Variants in PPP2R5B observed in about 807,000 individuals in gnomAD.
PPP2R5B encodes protein phosphatase 2 regulatory subunit B'beta, also known as serine/threonine-protein phosphatase 2A 56 kDa regulatory subunit beta isoform.
PPP2R5B carries 19 observed loss-of-function variants against 59.9 expected under a neutral mutation model. That is an observed-to-expected ratio of 0.32 (90% CI 0.22 to 0.47). The LOEUF is 0.47. Ranked by LOEUF, PPP2R5B falls within the 20% of genes least tolerant of loss-of-function variation. The probability of loss-of-function intolerance (pLI) is 1.00; values close to 1 mark genes in which losing one functional copy is unlikely to be tolerated. For synonymous variants in PPP2R5B, 286 were observed against 260.5 expected (o/e 1.10, Z -0.94); for missense variants, 441 against 640.2 (o/e 0.69, Z 3.36).
Position 64,931,884 on chromosome 11 carries a change from G to C in PPP2R5B, c.1116+16G>C. The C allele has an allele frequency of 6.2e-7, 1 of 1,613,160 alleles. No individual in the cohort carries two copies. On this transcript the variant is annotated intron_variant, in intron 11 of 13. Transcript: ENST00000164133. This position sits in a 1 kb window ranked among gnomAD's most constrained non-coding sequence, Gnocchi z 5.0. ...CCATTTCCAGGTATGAGGCAGGACA[G>C]GCGGGGATGGGAGCAGGGCTGGCCT...
chr11:64,926,693 G>T lies in PPP2R5B; in HGVS notation c.200-19G>T. 6.2e-7 allele frequency: 1 copy of T among 1,611,836 alleles called. No individual in the cohort carries two copies. The highest frequency in any genetic ancestry group is 8.5e-7 in the Non-Finnish European group (1 of 1,178,506). The stretch of plus-strand genomic sequence containing the variant: ...TGGGGGAGCTGGGGCCCAGGCCCAG[G>T]ATGCCCTCTCCTCCCCAGATGTGCC... On this transcript the variant is annotated intron_variant, in intron 2 of 13. Coordinates refer to ENST00000164133, the MANE Select transcript of PPP2R5B (RefSeq NM_006244.4).
chr11:64,928,240 C>T, intron 5 of PPP2R5B, 55 bp from the exon 6 acceptor site: 1 of 1,612,450 alleles, frequency 6.2e-7, no homozygotes, highest in Non-Finnish European at 8.5e-7. Context: ...TGGAAGCAAC[C>T]TGGGGTGGAC....
In PPP2R5B at chr11:64,931,843, G is replaced by A. The variant is rs141499148; in HGVS notation, c.1091G>A (p.Arg364His). The stretch of plus-strand genomic sequence containing the variant: ...GAGCCCCTTTTTAAGCAGGTGGCTC[G>A]CTGTGTTTCCAGCCCCCATTTCCAG... ...IQEPLFKQVA[R>H]CVSSPHFQVA... Residue 364 changes from arginine (R) to histidine (H), a missense_variant, in exon 11 of 14, where the codon CGC becomes CAC. Physicochemically the swap from Arg to His is conservative, Grantham distance 29 (BLOSUM62 0). Transcript: ENST00000164133. The surrounding 1 kb of genome is among the most constrained non-coding windows in gnomAD (Gnocchi z 5.0). 3.1e-6 allele frequency: 5 copies of A among 1,614,124 alleles called. No individual in the cohort carries two copies. The highest frequency in any genetic ancestry group is 2.2e-5 in the East Asian group (1 of 44,894).
chr11:64,923,211 G>A (rs1470810438), upstream of PPP2R5B: 1 of 152,436 alleles, frequency 6.6e-6, no homozygotes, highest in Non-Finnish European at 1.5e-5. Flanking sequence ...GGCTTGTGGA[G>A]ATGGGCTGTA....
intron 3 of PPP2R5B, 27 bp downstream of exon 3, chr11:64,926,935 G>C: frequency 6.2e-7 from 1 of 1,606,272 alleles, no homozygotes. Context: ...CAGGCTCCGA[G>C]GGCCGGCCGA....
chr11:64,933,198 G>A lies in PPP2R5B; in HGVS notation c.1298G>A (p.Gly433Glu), dbSNP rs960885050. The change falls in exon 13 of 14, where the codon GGG becomes GAG. Residue 433 changes from glycine to glutamate, a missense_variant. By Grantham distance (98) the Gly-to-Glu change is moderately conservative. Coordinates refer to ENST00000164133, the MANE Select transcript of PPP2R5B (RefSeq NM_006244.4). ...CTCAAGACCTTCATGGAGATGAATG[G>A]GAAGCTGTTTGATGAGCTCACAGCC... ...NVLKTFMEMN[G>E]KLFDELTASY... 2 of 1,613,590 alleles carry A rather than the reference G, an allele frequency of 1.2e-6. No individual in the cohort carries two copies. Among genetic ancestry groups the A allele is most frequent in the African/African-American group, 2.7e-5 (2 of 75,000 alleles).
chr11:64,926,004 G>A (rs1945159990), intron 2 of PPP2R5B, 71 bp downstream of exon 2: 3 of 1,468,528 alleles, frequency 2.0e-6, no homozygotes, highest in Non-Finnish European at 2.8e-6. Flanking sequence ...GGAGGGGTGG[G>A]AGGCAGCGGG....
intron 3 of PPP2R5B, among the ~76,000 whole-genome samples, chr11:64,927,531 C>G (rs944507585): frequency 2.6e-5 from 4 of 152,012 alleles, no homozygotes; most frequent in Non-Finnish European, 5.9e-5. Flanking sequence ...ACAGTGAGAC[C>G]GCATCACTAC....
chr11:64,921,985 C>T (rs1245671133), upstream of PPP2R5B, among the ~76,000 whole-genome samples: 4 of 151,732 alleles, frequency 2.6e-5, no homozygotes, highest in Non-Finnish European at 5.9e-5. Flanking sequence ...GAGGCCAAGG[C>T]GAGAGGATCA....
upstream of PPP2R5B, among the ~76,000 whole-genome samples, chr11:64,923,561 C>T (rs1265717189): frequency 6.6e-6 from 1 of 152,150 alleles, no homozygotes; most frequent in Non-Finnish European, 1.5e-5. Context: ...CAGGCCTCTG[C>T]CTTCTGTTGC....
chr11:64,933,141 C>G lies in PPP2R5B; in HGVS notation c.1245-4C>G, dbSNP rs376684709. 1 of 1,607,860 alleles carries G rather than the reference C, an allele frequency of 6.2e-7. No homozygotes were observed. The highest frequency in any genetic ancestry group is 1.3e-5 in the African/African-American group (1 of 74,752). On this transcript the variant is annotated splice_region_variant and splice_polypyrimidine_tract_variant and intron_variant, in intron 12 of 13. Coordinates refer to ENST00000164133, the MANE Select transcript of PPP2R5B (RefSeq NM_006244.4). Reference sequence around the variant, plus strand: ...TCTCCTCATCCCTCCTTGACACTGCCAAGAACCATCGTATCACTGATCTAC... The same window carrying G: ...TCTCCTCATCCCTCCTTGACACTGCGAAGAACCATCGTATCACTGATCTAC...
At position 64,928,040 on chromosome 11, in the gene PPP2R5B, C is replaced by T. The variant is rs374171324; in HGVS notation, c.499-26C>T. On this transcript the variant is annotated intron_variant, in intron 4 of 13. Coordinates refer to ENST00000164133, the MANE Select transcript of PPP2R5B (RefSeq NM_006244.4). The stretch of plus-strand genomic sequence containing the variant: ...GTGGGTGAGGCTGTTACTGAACTCA[C>T]CTTTTTGTCTGTCCCCCTCCCCCAG... The T allele has an allele frequency of 2.0e-5, 32 of 1,610,398 alleles. No individual in the cohort carries two copies. The African/African-American group carries it at 3.6e-4, about 18-fold the overall frequency.
intron 1 of PPP2R5B, among the ~76,000 whole-genome samples, chr11:64,918,689 G>C (rs1945074273): frequency 6.6e-6 from 1 of 152,130 alleles, no homozygotes; most frequent in South Asian, 2.1e-4. Context: ...GCCCAGGCTG[G>C]AGTGCAGTGG....
At position 64,927,875 on chromosome 11, in the gene PPP2R5B, A is replaced by G. The variant is rs1232085000; in HGVS notation, c.470A>G (p.Asn157Ser). 1.2e-6 allele frequency: 2 copies of G among 1,611,706 alleles called. No homozygotes were observed. Among genetic ancestry groups the G allele is most frequent in the African/African-American group, 1.3e-5 (1 of 74,982 alleles). The change falls in exon 4 of 14, where the codon AAT becomes AGT. Residue 157 changes from asparagine to serine, a missense_variant. Transcript: ENST00000164133. The stretch of plus-strand genomic sequence containing the variant: ...TTTGACCCTGAAGAGGATGAGCCCA[A>G]TCTTGAGCCTTCGTGGCCACACCTG... Reference protein sequence around the residue: ...PEFDPEEDEPNLEPSWPHLQL... With the variant: ...PEFDPEEDEPSLEPSWPHLQL...
At position 64,932,909 on chromosome 11, in the gene PPP2R5B, G is replaced by T; in HGVS notation, c.1244+17G>T. 1 of 1,613,288 alleles carries T rather than the reference G, an allele frequency of 6.2e-7. No individual in the cohort carries two copies. The highest frequency in any genetic ancestry group is 1.1e-5 in the South Asian group (1 of 90,984). The stretch of plus-strand genomic sequence containing the variant: ...CTGGAACCAGTGAGTGCCAGGCCAT[G>T]ACCTAACTCACAGAAACTGGGACCA... On this transcript the variant is annotated intron_variant, in intron 12 of 13. Transcript: ENST00000164133.
chr11:64,927,079 G>A (rs1322075984), intron 3 of PPP2R5B, among the ~76,000 whole-genome samples, 171 bp downstream of exon 3: 10 of 152,100 alleles, frequency 6.6e-5, no homozygotes, highest in African/African-American at 2.2e-4. Flanking sequence ...GAATGCCTCC[G>A]GGCCTGCCCC....
intron 6 of PPP2R5B, 149 bp downstream of exon 6, chr11:64,928,574 T>G: frequency 8.1e-7 from 1 of 1,242,102 alleles, no homozygotes; most frequent in Non-Finnish European, 1.1e-6. Flanking sequence ...GTGAGGAGTT[T>G]GAGACCAACC....
Position 64,925,551 on chromosome 11 carries a change from G to C in PPP2R5B, c.-184G>C, listed in dbSNP as rs1945150445. The C allele has an allele frequency of 1.7e-6, 1 of 575,030 alleles. No individual in the cohort carries two copies. Among genetic ancestry groups the C allele is most frequent in the Non-Finnish European group, 3.1e-6 (1 of 322,966 alleles). The allele number at this position is 575,030 out of a possible 1,614,324, so 35.6% of individuals were successfully genotyped here. On this transcript the variant is annotated 5_prime_UTR_variant, in exon 2 of 14. Coordinates refer to ENST00000164133, the MANE Select transcript of PPP2R5B (RefSeq NM_006244.4). This position sits in a 1 kb window ranked among gnomAD's most constrained non-coding sequence, Gnocchi z 4.6. The stretch of plus-strand genomic sequence containing the variant: ...CCTGAGCCATCCTCCTTTCTACCCT[G>C]TCTGCCCCCCAGGACTGGGCAGTTG...
At position 64,925,620 on chromosome 11, in the gene PPP2R5B, C is replaced by A. The variant is rs746186892; in HGVS notation, c.-115C>A. The stretch of plus-strand genomic sequence containing the variant: ...GGCCCAGGACTGTGGTTGTGCCCCC[C>A]CCCCAAAGGCCGGACAGGATGGGAC... On this transcript the variant is annotated 5_prime_UTR_variant, in exon 2 of 14. Transcript: ENST00000164133. The surrounding 1 kb of genome is among the most constrained non-coding windows in gnomAD (Gnocchi z 4.6). 1.8e-6 allele frequency: 1 copy of A among 551,546 alleles called. No individual in the cohort carries two copies. The highest frequency in any genetic ancestry group is 3.2e-6 in the Non-Finnish European group (1 of 310,970). 34.2% of individuals were successfully genotyped at this position (551,546 alleles called of 1,614,324 possible). A position where few individuals can be genotyped will look rare whatever the true frequency, so the allele number is the denominator to read the frequency against.
Sources: gnomAD v4.1 joint callset for allele counts (sites outside exome capture counted in the v4.1 genomes callset) on GRCh38, gnomAD v4.1.1 for gene constraint, Gnocchi (gnomAD v3.1) non-coding constraint, MANE v1.5 for transcripts, NCBI Gene and HGNC (gene_info 2026-07-23, HGNC 2026-07-21) for gene names.